The following ALDH7A1 variants were observed in gnomAD, a reference collection of about 807,000 sequenced individuals.
ALDH7A1 encodes the protein aldehyde dehydrogenase 7 family member A1.
ALDH7A1 carries 63 observed loss-of-function variants against 79.9 expected under a neutral mutation model. The ratio of observed to expected loss-of-function variants is 0.79; its 90% CI spans 0.64 to 0.97. ALDH7A1 has a LOEUF of 0.97. Among genes scored for constraint, ALDH7A1 ranks in the 50% least tolerant of loss-of-function variants. ALDH7A1 has a pLI of 0.00. For missense variants in ALDH7A1, 627 were observed against 665.2 expected (o/e 0.94, Z 0.63); for synonymous variants, 240 against 231.2 (o/e 1.04, Z -0.34).
In ALDH7A1 at chr5:126,571,557, A is replaced by G. The variant is rs567872806; in HGVS notation, c.696-698T>C. 2.6e-5 allele frequency among the ~76,000 whole-genome samples: 4 copies of G among 152,158 alleles called. No individual in the cohort carries two copies. The East Asian group carries it at 7.7e-4, about 29-fold the overall frequency. On this transcript the variant is annotated intron_variant, in intron 7 of 17. Transcript: ENST00000409134. ...CACGAAGCATTGTTTAGGTAGCTCA[A>G]ACTGTCATTGTTTTCAAGTATTTTC...
At chr5:126,570,908 T>C in intron 7 of ALDH7A1, 49 bp from the exon 8 acceptor site, 1 of 1,576,004 alleles carries the variant, frequency 6.3e-7, no homozygotes, top group South Asian at 1.1e-5. Context: ...GGCATTTTTT[T>C]AAAAACAAGG....
rs780696540 is a variant in ALDH7A1 at position 126,550,276 on chromosome 5, A to G, written c.1335T>C (p.Phe445=). ...VFKFKNEEEV[F]AWNNEVKQGL... ...CCTGTTTTACTTCATTATTCCATGC[A>G]AAGACCTCTTCTTCATTCTAAAAGG... The change falls in exon 15 of 18, where the codon TTT becomes TTC. Residue 445 remains phenylalanine (F), a synonymous_variant. Transcript: ENST00000409134. 1 of 1,612,810 alleles carries G rather than the reference A, an allele frequency of 6.2e-7. No individual in the cohort carries two copies. Among genetic ancestry groups the G allele is most frequent in the African/African-American group, 1.3e-5 (1 of 75,036 alleles).
chr5:126,564,137 G>A (rs1301722859), intron 9 of ALDH7A1, among the ~76,000 whole-genome samples: 1 of 152,174 alleles, frequency 6.6e-6, no homozygotes, highest in South Asian at 2.1e-4. Context: ...TCTGAGAGAT[G>A]TGTTTGCCTC....
intron 5 of ALDH7A1, among the ~76,000 whole-genome samples, chr5:126,579,847 C>T (rs899512911): frequency 6.6e-6 from 1 of 152,114 alleles, no homozygotes; most frequent in Admixed American, 6.6e-5. Context: ...GTAATCCCAG[C>T]TACTCAGGAG....
chr5:126,582,564 A>T (rs949276509), intron 5 of ALDH7A1, among the ~76,000 whole-genome samples: 1 of 152,192 alleles, frequency 6.6e-6, no homozygotes, highest in African/African-American at 2.4e-5. Flanking sequence ...TGGGCTCTTT[A>T]AAGTTAGAGC....
chr5:126,561,616 C>T (rs1408763431), intron 9 of ALDH7A1: 1 of 152,348 alleles, frequency 6.6e-6, no homozygotes, highest in African/African-American at 2.4e-5. Flanking sequence ...AAAGGGTTTA[C>T]AGGAATTCCT....
chr5:126,556,138 T>G, intron 11 of ALDH7A1, 123 bp from the exon 12 acceptor site: 1 of 525,720 alleles, frequency 1.9e-6, no homozygotes, highest in South Asian at 3.0e-5. Flanking sequence ...AATCAAAGCA[T>G]GTTTATTTTT....
chr5:126,592,726 T>C lies in ALDH7A1; in HGVS notation c.250A>G (p.Ser84Gly), dbSNP rs775388343. The C allele has an allele frequency of 2.5e-6, 4 of 1,613,732 alleles. No homozygotes were observed. The highest frequency in any genetic ancestry group is 2.7e-5 in the African/African-American group (2 of 74,922). ...NEPIARVRQA[S>G]VADYEETVKK... Reference sequence around the variant, plus strand: ...ACAGTTTCTTCATAGTCTGCCACACTGGCCTAAATTAAGAATTAGGGGGAC... The same window carrying C: ...ACAGTTTCTTCATAGTCTGCCACACCGGCCTAAATTAAGAATTAGGGGGAC... The change falls in exon 3 of 18, where the codon AGT becomes GGT. Residue 84 changes from serine to glycine, a missense_variant. Physicochemically the swap from Ser to Gly is moderately conservative, Grantham distance 56. Transcript: ENST00000409134.
chr5:126,548,174 C>T (rs1220145985), intron 16 of ALDH7A1, among the ~76,000 whole-genome samples: 1 of 152,156 alleles, frequency 6.6e-6, no homozygotes, highest in Non-Finnish European at 1.5e-5. Context: ...GAGACAGGGT[C>T]ACACTCACTC....
chr5:126,557,092 T>C (rs1010353378), intron 11 of ALDH7A1, among the ~76,000 whole-genome samples: 23 of 152,332 alleles, frequency 1.5e-4, no homozygotes, highest in African/African-American at 4.8e-4. Flanking sequence ...TATTTTACCA[T>C]GTAATGAAGG....
chr5:126,567,938 C>A (rs1055275286), intron 9 of ALDH7A1: 2 of 343,066 alleles, frequency 5.8e-6, no homozygotes, highest in Non-Finnish European at 5.7e-6. Context: ...AGCCCGCCAC[C>A]ACGCCCCGCT....
intron 11 of ALDH7A1, 50 bp downstream of exon 11, chr5:126,559,190 A>G: frequency 6.7e-7 from 1 of 1,495,344 alleles, no homozygotes; most frequent in Non-Finnish European, 9.3e-7. Flanking sequence ...AACTCATTAA[A>G]AAGTAGTGTT....
rs182062203 is a variant in ALDH7A1 at position 126,551,043 on chromosome 5, C to T, written c.1318-750G>A. Among the ~76,000 whole-genome samples the T allele has an allele frequency of 7.2e-5, 11 of 152,284 alleles. No homozygotes were observed. The East Asian group carries it at 2.1e-3, about 29-fold the overall frequency. ...GTTTTAGAGACAGGATCTCTTCCCA[C>T]CTCAGCCTCCCGAGTAGCTAGGACT... is the stretch of plus-strand genomic sequence containing the variant. On this transcript the variant is annotated intron_variant, in intron 14 of 17. Transcript: ENST00000409134.
chr5:126,564,965 A>G (rs1003522218), intron 9 of ALDH7A1, among the ~76,000 whole-genome samples: 1 of 152,184 alleles, frequency 6.6e-6, no homozygotes, highest in African/African-American at 2.4e-5. Context: ...TTCTACTACT[A>G]CTACTATTAC....
chr5:126,564,420 T>C, intron 9 of ALDH7A1: 1 of 715,596 alleles, frequency 1.4e-6, no homozygotes, highest in Non-Finnish European at 1.9e-6. Context: ...AGTGCTAGGA[T>C]TACAGACGTG....
intron 3 of ALDH7A1, among the ~76,000 whole-genome samples, chr5:126,584,659 CA>C (rs35736560): frequency 0.35 from 21,840 of 62,276 alleles, 2,676 homozygotes; most frequent in African/African-American, 0.51. Context: ...CACTCCATCT[CA>C]AAAAAAAAAA....
At chr5:126,551,658 A>T (rs955146699) in intron 14 of ALDH7A1, among the ~76,000 whole-genome samples, 1 of 151,974 alleles carries the variant, frequency 6.6e-6, no homozygotes, top group African/African-American at 2.4e-5. Flanking sequence ...ACATGTTCTC[A>T]TTTTGTCTGC....
chr5:126,578,230 A>C (rs1751043535), intron 5 of ALDH7A1, among the ~76,000 whole-genome samples: 1 of 152,164 alleles, frequency 6.6e-6, no homozygotes, highest in Non-Finnish European at 1.5e-5. Flanking sequence ...CAGAGGTTGC[A>C]GTGAGCCGAG....
intron 9 of ALDH7A1, chr5:126,561,875 C>T (rs1026643563): frequency 1.3e-5 from 2 of 152,174 alleles, no homozygotes; most frequent in Non-Finnish European, 2.9e-5. Context: ...TGCCTGTGGT[C>T]CCAGCTACTC....
Sources: allele counts gnomAD v4.1 joint callset (sites outside exome capture counted in the v4.1 genomes callset), GRCh38; gene constraint gnomAD v4.1.1; transcripts MANE v1.5; gene names NCBI Gene and HGNC (gene_info 2026-07-23, HGNC 2026-07-21).